SYNE1: variants seen among roughly 807,000 people sequenced by gnomAD.
The protein encoded by SYNE1 is nesprin-1.
SYNE1 carries 616 observed loss-of-function variants against 1,111.0 expected under a neutral mutation model. The ratio of observed to expected loss-of-function variants is 0.55; its 90% CI spans 0.52 to 0.59. The LOEUF is 0.59. Ranked by LOEUF, SYNE1 falls within the 20% of genes least tolerant of loss-of-function variation. The pLI, the probability that SYNE1 is intolerant of heterozygous loss-of-function variation, is 0.00. For synonymous variants in SYNE1, 3,855 were observed against 3,825.8 expected, an observed-to-expected ratio of 1.01 and a Z score of -0.28; for missense variants, 10,006 against 10,417.0, an observed-to-expected ratio of 0.96 and a Z score of 1.72.
chr6:152,577,403 C>T (rs757420582), intron 3 of SYNE1, among the ~76,000 whole-genome samples: 6 of 152,170 alleles, frequency 3.9e-5, no homozygotes, highest in Non-Finnish European at 5.9e-5. Flanking sequence ...GAGGCCGAGG[C>T]GGGTGGATCA....
chr6:152,567,221 C>A (rs2099416834), intron 3 of SYNE1, among the ~76,000 whole-genome samples: 1 of 152,110 alleles, frequency 6.6e-6, no homozygotes, highest in South Asian at 2.1e-4. Context: ...AGTCGCAGGA[C>A]CTCCTTCTTT....
chr6:152,243,387 A>C (rs937189984), intron 106 of SYNE1, among the ~76,000 whole-genome samples: 3 of 152,232 alleles, frequency 2.0e-5, no homozygotes, highest in African/African-American at 7.2e-5. Flanking sequence ...GTGGTGGAGT[A>C]TATAACTATT....
In SYNE1 at chr6:152,325,214, G is replaced by A; in HGVS notation, c.15527C>T (p.Ala5176Val). ...ASQLEKTGND[A>V]SKATLSRSMT... ...TGACCTGCTCAGGGTGGCTTTGCTG[G>A]CATCATTTCCGGTTTTCTCCAGTTG... The change falls in exon 81 of 146, where the codon GCC becomes GTC. Residue 5176 changes from alanine (A) to valine (V), a missense_variant. Physicochemically the swap from Ala to Val is moderately conservative, Grantham distance 64 (BLOSUM62 0). Transcript: ENST00000367255. 1 of 1,614,150 alleles carries A rather than the reference G, an allele frequency of 6.2e-7. No homozygotes were observed. Among genetic ancestry groups the A allele is most frequent in the East Asian group, 2.2e-5 (1 of 44,878 alleles).
intron 24 of SYNE1, among the ~76,000 whole-genome samples, chr6:152,454,339 A>T (rs1186717115): frequency 6.6e-6 from 1 of 152,182 alleles, no homozygotes; most frequent in African/African-American, 2.4e-5. Context: ...AGATGAGGTC[A>T]TGGGGATGGG....
intron 4 of SYNE1, among the ~76,000 whole-genome samples, chr6:152,530,622 A>AT (rs1564667806): frequency 3.6e-5 from 5 of 140,252 alleles, no homozygotes; most frequent in Non-Finnish European, 7.9e-5. Flanking sequence ...AGTGTGATGA[A>AT]ATTTTTTTTT....
chr6:152,628,570 G>C lies in SYNE1; in HGVS notation c.-223-16C>G. The C allele has an allele frequency of 1.9e-6, 1 of 529,128 alleles. No individual in the cohort carries two copies. The highest frequency in any genetic ancestry group is 3.4e-6 in the Non-Finnish European group (1 of 297,540). The allele number at this position is 529,128 out of a possible 1,614,324, so 32.8% of individuals were successfully genotyped here. ...ACTCAAGAACCTGAAAAACAAAAAAGAAAAGGTACAACATAAAAAAAAAAT... is the reference window on the plus strand; with the variant it reads ...ACTCAAGAACCTGAAAAACAAAAAACAAAAGGTACAACATAAAAAAAAAAT... On this transcript the variant is annotated splice_polypyrimidine_tract_variant and intron_variant, in intron 2 of 145. Transcript: ENST00000367255.
chr6:152,323,217 G>A (rs886103576), intron 82 of SYNE1, among the ~76,000 whole-genome samples: 3 of 152,088 alleles, frequency 2.0e-5, no homozygotes, highest in Admixed American at 6.5e-5. Context: ...CTGGGAGGCC[G>A]AGGCGGGCGG....
chr6:152,272,772 A>G (rs2093305924), intron 98 of SYNE1, among the ~76,000 whole-genome samples: 1 of 152,240 alleles, frequency 6.6e-6, no homozygotes, highest in Non-Finnish European at 1.5e-5. Flanking sequence ...TTAGGAAGGT[A>G]TTCCAACCCT....
Position 152,330,018 on chromosome 6 carries a change from G to A in SYNE1, c.14667C>T (p.Phe4889=). Residue 4889 remains phenylalanine (F), a synonymous_variant, in exon 78 of 146, where the codon TTC becomes TTT. Coordinates refer to ENST00000367255, the MANE Select transcript of SYNE1 (RefSeq NM_182961.4). ...CESRMVQSID[F]QTEMSRSLDW... Reference sequence around the variant, plus strand: ...CCAGGGAGCGACTCATCTCAGTCTGGAAGTCTATACTCTGCACCATTCGGC... The same window carrying A: ...CCAGGGAGCGACTCATCTCAGTCTGAAAGTCTATACTCTGCACCATTCGGC... The A allele has an allele frequency of 1.2e-6, 2 of 1,614,118 alleles. No individual in the cohort carries two copies. The highest frequency in any genetic ancestry group is 1.7e-5 in the Admixed American group (1 of 60,006).
chr6:152,387,380 T>C lies in SYNE1; in HGVS notation c.8179A>G (p.Thr2727Ala). The C allele has an allele frequency of 1.9e-6, 3 of 1,614,026 alleles. No homozygotes were observed. Among genetic ancestry groups the C allele is most frequent in the Non-Finnish European group, 2.5e-6 (3 of 1,179,920 alleles). Residue 2727 changes from threonine to alanine, a missense_variant and splice_region_variant, in exon 54 of 146, where the codon ACT becomes GCT. Thr to Ala is a moderately conservative substitution (Grantham distance 58). Around this residue, in one of 7 missense-constraint regions of SYNE1, gnomAD observed 4,955 missense variants for 5,017.2 expected, o/e 0.99. Coordinates refer to ENST00000367255, the MANE Select transcript of SYNE1 (RefSeq NM_182961.4). Reference protein sequence around the residue: ...IMSSSVHAQSTLESVISQWND... With the variant: ...IMSSSVHAQSALESVISQWND... ...CATTGGCTAATCACAGACTCTAAAGTGCTAGAATTAATGTCACATATTAAC... is the reference window on the plus strand; with the variant it reads ...CATTGGCTAATCACAGACTCTAAAGCGCTAGAATTAATGTCACATATTAAC...
chr6:152,457,777 A>G (rs1287250167), intron 22 of SYNE1, among the ~76,000 whole-genome samples: 1 of 151,902 alleles, frequency 6.6e-6, no homozygotes, highest in African/African-American at 2.4e-5. Flanking sequence ...TCAAGAAAAG[A>G]AGGCACGTAT....
At position 152,391,534 on chromosome 6, in the gene SYNE1, G is replaced by T; in HGVS notation, c.7747C>A (p.Leu2583Ile). 6.3e-7 allele frequency: 1 copy of T among 1,595,588 alleles called. No individual in the cohort carries two copies. Among genetic ancestry groups the T allele is most frequent in the Non-Finnish European group, 8.5e-7 (1 of 1,173,496 alleles). Residue 2583 changes from leucine to isoleucine, a missense_variant, in exon 52 of 146, where the codon CTT (leucine) becomes ATT (isoleucine). Transcript: ENST00000367255. ...SLDKLSQRGQ[L>I]LSEEGHGAGQ... Reference sequence around the variant, plus strand: ...GCACCGTGGCCTTCTTCACTCAGAAGCTGCCCTCTCTGGGAAAGCTTATCA... The same window carrying T: ...GCACCGTGGCCTTCTTCACTCAGAATCTGCCCTCTCTGGGAAAGCTTATCA...
chr6:152,461,300 C>T (rs1336719687), intron 21 of SYNE1, among the ~76,000 whole-genome samples: 1 of 152,076 alleles, frequency 6.6e-6, no homozygotes, highest in Non-Finnish European at 1.5e-5. Flanking sequence ...TCCTTTTTCT[C>T]TTTATCTCTC....
Position 152,395,620 on chromosome 6 carries a change from T to G in SYNE1, c.7608A>C (p.Glu2536Asp), listed in dbSNP as rs2097720224. The G allele has an allele frequency of 6.2e-7, 1 of 1,614,182 alleles. No homozygotes were observed. ...CTCCCAAGTTTTCCGTATTGAACCT[T>G]TCTTCCATTTCATGGATCCATAAGT... ...KLNLWIHEMEERFNTENLGES... is the reference protein window; with the variant it reads ...KLNLWIHEMEDRFNTENLGES... The change falls in exon 51 of 146, where the codon GAA becomes GAC. Residue 2536 changes from glutamate to aspartate, a missense_variant. Physicochemically the swap from Glu to Asp is conservative, Grantham distance 45. This residue lies in a region of SYNE1 where 4,955 missense variants were observed against 5,017.2 expected (regional missense o/e 0.99). Coordinates refer to ENST00000367255, the MANE Select transcript of SYNE1 (RefSeq NM_182961.4).
chr6:152,469,017 A>T (rs1370832603), intron 16 of SYNE1, among the ~76,000 whole-genome samples: 1 of 151,858 alleles, frequency 6.6e-6, no homozygotes, highest in African/African-American at 2.4e-5. Flanking sequence ...GCCTCAAGTG[A>T]CTCTTCAACC....
At chr6:152,174,830 C>T (rs1006702953) in intron 130 of SYNE1, among the ~76,000 whole-genome samples, 10 of 152,188 alleles carry the variant, frequency 6.6e-5, no homozygotes, top group Non-Finnish European at 1.0e-4. Flanking sequence ...CTATGAAACC[C>T]GTAGCATGGT....
chr6:152,568,675 A>G (rs1046050413), intron 3 of SYNE1, among the ~76,000 whole-genome samples: 3 of 152,046 alleles, frequency 2.0e-5, no homozygotes, highest in Non-Finnish European at 2.9e-5. Flanking sequence ...CATGGGTGCA[A>G]TCAGCACACT....
At chr6:152,517,286 C>T (rs2099116997) in intron 6 of SYNE1, among the ~76,000 whole-genome samples, 1 of 152,162 alleles carries the variant, frequency 6.6e-6, no homozygotes, top group Non-Finnish European at 1.5e-5. Flanking sequence ...CTGAATGGGT[C>T]TATTTTCTAG....
intron 92 of SYNE1, 106 bp from the exon 93 acceptor site, chr6:152,300,887 T>C: frequency 6.6e-7 from 1 of 1,519,626 alleles, no homozygotes; most frequent in South Asian, 1.2e-5. Context: ...AAACGAAGGT[T>C]AAAATTACTG....
Sources: gnomAD v4.1 joint callset for allele counts (sites outside exome capture counted in the v4.1 genomes callset) on GRCh38, gnomAD v4.1.1 for gene constraint, gnomAD v4.1.1 regional missense constraint, MANE v1.5 for transcripts, NCBI Gene and HGNC (gene_info 2026-07-23, HGNC 2026-07-21) for gene names.